The following CDH13 variants were observed in gnomAD, a reference collection of about 807,000 sequenced individuals.
The protein encoded by CDH13 is cadherin 13.
In CDH13, 24 loss-of-function variants were observed where a neutral mutation model predicts 63.8. The observed-to-expected ratio is 0.38, with a 90% CI of 0.27 to 0.53. The LOEUF is 0.53. CDH13 is among the 20% of genes least tolerant of loss of function. CDH13 has a pLI of 0.85. For missense variants in CDH13, 1,049 were observed against 903.1 expected (o/e 1.16, Z -2.07); for synonymous variants, 503 against 355.3 (o/e 1.42, Z -4.67).
At chr16:83,576,925 T>C (rs1905124042) in intron 7 of CDH13, among the ~76,000 whole-genome samples, 1 of 152,250 alleles carries the variant, frequency 6.6e-6, no homozygotes, top group African/African-American at 2.4e-5. Context: ...TTGCTGAATA[T>C]TTTTATTCCA....
intron 2 of CDH13, among the ~76,000 whole-genome samples, chr16:82,928,649 A>T (rs935361183): frequency 6.6e-6 from 1 of 152,216 alleles, no homozygotes; most frequent in Non-Finnish European, 1.5e-5. Flanking sequence ...CCAAGGTAAG[A>T]GTTGTGTAGG....
intron 11 of CDH13, among the ~76,000 whole-genome samples, chr16:83,763,174 A>T (rs1032617826): frequency 1.1e-4 from 17 of 152,206 alleles, no homozygotes; most frequent in Non-Finnish European, 1.8e-4. Flanking sequence ...TATATAAAGT[A>T]TGTTTGAGCC....
intron 6 of CDH13, among the ~76,000 whole-genome samples, chr16:83,349,623 G>A (rs1370787382): frequency 1.3e-5 from 2 of 151,630 alleles, no homozygotes; most frequent in Admixed American, 6.6e-5. Flanking sequence ...CTATTGAGAC[G>A]GAGTTTTGCT....
intron 7 of CDH13, among the ~76,000 whole-genome samples, chr16:83,571,939 C>T (rs182538397): frequency 8.7e-4 from 133 of 152,186 alleles, no homozygotes; most frequent in Non-Finnish European, 1.4e-3. Flanking sequence ...TCTGTCATTT[C>T]CTCTGGACTA....
chr16:83,058,101 C>G lies in CDH13; in HGVS notation c.366+25883C>G, dbSNP rs548633339. Among the ~76,000 whole-genome samples the G allele has an allele frequency of 8.5e-4, 129 of 152,206 alleles. 1 individual carries two copies. The highest frequency in any genetic ancestry group is 2.8e-3 in the African/African-American group (115 of 41,524). On this transcript the variant is annotated intron_variant, in intron 3 of 13. Coordinates refer to ENST00000567109, the MANE Select transcript of CDH13 (RefSeq NM_001257.5). ...TCACTATATTCTTAAAAATATAAAT[C>G]GTTAAATGTCATTCTTTAGCTCTAA...
At chr16:83,334,206 CT>C (rs1407797900) in intron 5 of CDH13, among the ~76,000 whole-genome samples, 1 of 152,046 alleles carries the variant, frequency 6.6e-6, no homozygotes, top group Non-Finnish European at 1.5e-5. Flanking sequence ...TATATTGGGC[CT>C]AGCCAGATGC....
intron 8 of CDH13, among the ~76,000 whole-genome samples, chr16:83,628,298 G>C (rs973671753): frequency 6.6e-6 from 1 of 152,190 alleles, no homozygotes; most frequent in Non-Finnish European, 1.5e-5. Flanking sequence ...TGGAGAAGCA[G>C]GGTTTCCCCT....
chr16:83,237,823 C>T (rs1198727298), intron 5 of CDH13, among the ~76,000 whole-genome samples: 3 of 152,144 alleles, frequency 2.0e-5, no homozygotes, highest in African/African-American at 4.8e-5. Flanking sequence ...ATATGAAGTA[C>T]GTGGAACTGG....
At chr16:83,727,724 A>C (rs1198397068) in intron 10 of CDH13, among the ~76,000 whole-genome samples, 1 of 152,160 alleles carries the variant, frequency 6.6e-6, no homozygotes, top group Non-Finnish European at 1.5e-5. Context: ...TCTCCAGGAA[A>C]GGCCTGTGTG....
rs747420745 is a variant in CDH13 at position 82,627,021 on chromosome 16, C to T, written c.-72C>T. 9.1e-6 allele frequency: 14 copies of T among 1,540,574 alleles called. No individual in the cohort carries two copies. The highest frequency in any genetic ancestry group is 3.9e-5 in the Admixed American group (2 of 51,404). Reference sequence around the variant, plus strand: ...CAGAGCCTCTCCTCAAAGCCTGGCTCCCACGGAAAATATGCTCAGTGCAGC... The same window carrying T: ...CAGAGCCTCTCCTCAAAGCCTGGCTTCCACGGAAAATATGCTCAGTGCAGC... On this transcript the variant is annotated 5_prime_UTR_variant, in exon 1 of 14. Transcript: ENST00000567109.
At chr16:83,788,786 T>C (rs1348964494) in intron 13 of CDH13, among the ~76,000 whole-genome samples, 1 of 152,206 alleles carries the variant, frequency 6.6e-6, no homozygotes, top group Non-Finnish European at 1.5e-5. Context: ...CATCTGATGA[T>C]TGTATCTCAC....
chr16:82,970,092 C>G (rs1597325560), intron 2 of CDH13, among the ~76,000 whole-genome samples: 2 of 152,126 alleles, frequency 1.3e-5, no homozygotes, highest in Non-Finnish European at 2.9e-5. Flanking sequence ...CCCCTAGACC[C>G]CTACCCATCG....
At chr16:83,157,707 A>C (rs1478634617) in intron 4 of CDH13, among the ~76,000 whole-genome samples, 2 of 150,656 alleles carry the variant, frequency 1.3e-5, no homozygotes, top group Non-Finnish European at 3.0e-5. Flanking sequence ...ATCCGGGCTA[A>C]CAGGGTGAAA....
At chr16:82,693,285 T>C (rs1025587892) in intron 1 of CDH13, among the ~76,000 whole-genome samples, 2 of 152,220 alleles carry the variant, frequency 1.3e-5, no homozygotes, top group African/African-American at 4.8e-5. Flanking sequence ...AGTACCTCTT[T>C]ATTTTAAGCT....
chr16:83,478,008 C>T (rs2073651139), intron 6 of CDH13, among the ~76,000 whole-genome samples: 1 of 151,874 alleles, frequency 6.6e-6, no homozygotes, highest in South Asian at 2.1e-4. Flanking sequence ...GGTGAAACCT[C>T]ATCTCTACTA....
At chr16:82,952,967 G>C (rs771947764) in intron 2 of CDH13, among the ~76,000 whole-genome samples, 1 of 152,144 alleles carries the variant, frequency 6.6e-6, no homozygotes, top group African/African-American at 2.4e-5. Flanking sequence ...AAATTCAGAG[G>C]ACTAAGCAAA....
intron 3 of CDH13, among the ~76,000 whole-genome samples, chr16:83,089,247 A>G (rs1654181429): frequency 6.6e-6 from 1 of 152,246 alleles, no homozygotes; most frequent in African/African-American, 2.4e-5. Flanking sequence ...CACTAACGTC[A>G]CATCTCTATT....
At chr16:82,752,498 T>G (rs2034458442) in intron 1 of CDH13, among the ~76,000 whole-genome samples, 1 of 152,244 alleles carries the variant, frequency 6.6e-6, no homozygotes, top group South Asian at 2.1e-4. Flanking sequence ...GTACAGTTCT[T>G]GATTGGTTGA....
intron 7 of CDH13, among the ~76,000 whole-genome samples, chr16:83,521,406 A>G (rs1039333352): frequency 6.6e-6 from 1 of 152,204 alleles, no homozygotes; most frequent in Non-Finnish European, 1.5e-5. Flanking sequence ...ATGCTAATAG[A>G]GTAGTAGCGG....
Sources: gnomAD v4.1 joint callset for allele counts (sites outside exome capture counted in the v4.1 genomes callset) on GRCh38, gnomAD v4.1.1 for gene constraint, MANE v1.5 for transcripts, NCBI Gene and HGNC (gene_info 2026-07-23, HGNC 2026-07-21) for gene names.